The following RPS6KC1 variants were observed in gnomAD, a reference collection of about 807,000 sequenced individuals.
The protein encoded by RPS6KC1 is inactive ribosomal protein S6 kinase delta-1.
RPS6KC1 carries 54 observed loss-of-function variants against 103.8 expected under a neutral mutation model. That is an observed-to-expected ratio of 0.52 (90% confidence interval 0.42 to 0.65). The LOEUF is 0.65. RPS6KC1 is among the 30% of genes least tolerant of loss of function. The pLI, the probability that RPS6KC1 is intolerant of heterozygous loss-of-function variation, is 0.00. For missense variants in RPS6KC1, 1,151 were observed against 1,253.8 expected (o/e 0.92, Z 1.24); for synonymous variants, 439 against 438.7 (o/e 1.00, Z -0.01).
rs1468535421 is a variant in RPS6KC1 at position 213,241,074 on chromosome 1, C to T, written c.1598C>T (p.Pro533Leu). The change falls in exon 11 of 15, where the codon CCC (proline) becomes CTC (leucine). Residue 533 changes from proline to leucine, a missense_variant. By Grantham distance (98) the Pro-to-Leu change is moderately conservative. Around this residue, in one of 3 missense-constraint regions of RPS6KC1, gnomAD observed 959 missense variants for 1,006.3 expected, o/e 0.95. Transcript: ENST00000366960. ...KIEPGSLNEE[P>L]FMKTEGNGVD... ...GAACCAGGGTCTTTGAATGAGGAGC[C>T]CTTCATGAAGACTGAAGGGAATGGT... 1.9e-6 allele frequency: 3 copies of T among 1,613,416 alleles called. No homozygotes were observed. Among genetic ancestry groups the T allele is most frequent in the Admixed American group, 1.7e-5 (1 of 59,916 alleles).
chr1:213,723,259 C>G, the RPS6KC1 span, among the ~76,000 whole-genome samples: 1 of 152,180 alleles, frequency 6.6e-6, no homozygotes, highest in African/African-American at 2.4e-5. Flanking sequence ...AAATTCAGAC[C>G]TTTGTTCTGA....
At chr1:213,821,784 A>G in the RPS6KC1 span, 1 of 152,168 alleles carries the variant, frequency 6.6e-6, no homozygotes, top group Non-Finnish European at 1.5e-5. Flanking sequence ...CATTTTCTTT[A>G]TGATTCATCT....
At chr1:213,857,533 A>G in the RPS6KC1 span, among the ~76,000 whole-genome samples, 86 of 152,258 alleles carry the variant, frequency 5.6e-4, 1 homozygote, top group Non-Finnish European at 9.7e-4. Flanking sequence ...CCCTTTTTGC[A>G]TGGATTTAGG....
chr1:213,351,063 A>G, the RPS6KC1 span, among the ~76,000 whole-genome samples: 2 of 152,184 alleles, frequency 1.3e-5, no homozygotes, highest in African/African-American at 4.8e-5. Flanking sequence ...TTTTCAGATT[A>G]TATTTAATTA....
chr1:213,359,167 C>T, the RPS6KC1 span, among the ~76,000 whole-genome samples: 1 of 152,140 alleles, frequency 6.6e-6, no homozygotes, highest in African/African-American at 2.4e-5. Context: ...GTTAAAGTCT[C>T]CCATTATTAA....
At chr1:213,510,929 A>T in the RPS6KC1 span, among the ~76,000 whole-genome samples, 1 of 152,260 alleles carries the variant, frequency 6.6e-6, no homozygotes, top group South Asian at 2.1e-4. Flanking sequence ...GCCAATATTG[A>T]CTGAGTACTT....
chr1:213,626,559 G>A, the RPS6KC1 span, among the ~76,000 whole-genome samples: 1 of 152,102 alleles, frequency 6.6e-6, no homozygotes, highest in Non-Finnish European at 1.5e-5. Flanking sequence ...TATGGTTTTA[G>A]GTCTAACATT....
chr1:213,774,999 A>G, the RPS6KC1 span, among the ~76,000 whole-genome samples: 2 of 152,148 alleles, frequency 1.3e-5, no homozygotes, highest in African/African-American at 4.8e-5. Flanking sequence ...AGGAAAGGGG[A>G]TGGAATACTG....
intron 8 of RPS6KC1, among the ~76,000 whole-genome samples, chr1:213,178,208 A>C (rs2092015970): frequency 1.3e-5 from 2 of 149,464 alleles, no homozygotes; most frequent in African/African-American, 2.5e-5. Context: ...TAAATAAATA[A>C]ATAAATAAAT....
chr1:213,073,797 T>G (rs1049752851), intron 2 of RPS6KC1, among the ~76,000 whole-genome samples: 2 of 152,108 alleles, frequency 1.3e-5, no homozygotes, highest in Non-Finnish European at 2.9e-5. Context: ...TGCCTCAGCC[T>G]CCTGAATAGC....
At chr1:213,266,902 TCAAACAAACAAACAAACAAACAAA>T (rs66700615) in intron 14 of RPS6KC1, among the ~76,000 whole-genome samples, 3 of 147,832 alleles carry the variant, frequency 2.0e-5, no homozygotes, top group African/African-American at 7.5e-5. Context: ...AGGCTCCGTC[TCAAACAAACAAACAAACAAACAAA>T]CAAACAAACA....
chr1:213,766,370 G>A, the RPS6KC1 span, among the ~76,000 whole-genome samples: 1 of 152,160 alleles, frequency 6.6e-6, no homozygotes, highest in East Asian at 1.9e-4. Context: ...CAGTAACTCT[G>A]TTGACTTGTC....
At chr1:213,380,338 G>A in the RPS6KC1 span, among the ~76,000 whole-genome samples, 3 of 152,134 alleles carry the variant, frequency 2.0e-5, no homozygotes, top group Admixed American at 6.5e-5. Context: ...AATGGAGGGC[G>A]GGAGGAGGGA....
At chr1:213,089,775 A>G (rs1242240640) in intron 3 of RPS6KC1, among the ~76,000 whole-genome samples, 2 of 152,110 alleles carry the variant, frequency 1.3e-5, no homozygotes, top group Non-Finnish European at 2.9e-5. Flanking sequence ...TTTTGCTGTT[A>G]AAGTGCCTGG....
chr1:213,079,007 A>T (rs910507195), intron 3 of RPS6KC1, among the ~76,000 whole-genome samples: 1 of 152,180 alleles, frequency 6.6e-6, no homozygotes, highest in South Asian at 2.1e-4. Flanking sequence ...ATGTATAGAA[A>T]CCTCAAAAAT....
intron 3 of RPS6KC1, among the ~76,000 whole-genome samples, chr1:213,094,213 C>G (rs953733452): frequency 1.3e-5 from 2 of 151,414 alleles, no homozygotes; most frequent in African/African-American, 4.9e-5. Flanking sequence ...CTCATTTTTT[C>G]CTGAACCATT....
chr1:213,634,977 G>T, the RPS6KC1 span, among the ~76,000 whole-genome samples: 1 of 152,096 alleles, frequency 6.6e-6, no homozygotes, highest in Admixed American at 6.5e-5. Flanking sequence ...ACTACCATCA[G>T]AGAATACTAT....
intron 12 of RPS6KC1, among the ~76,000 whole-genome samples, chr1:213,257,226 G>A (rs1437482231): frequency 1.3e-5 from 2 of 152,150 alleles, no homozygotes; most frequent in Non-Finnish European, 2.9e-5. Context: ...AACATAACAT[G>A]TAGCTTTTGA....
the RPS6KC1 span, among the ~76,000 whole-genome samples, chr1:213,805,044 G>T: frequency 1.3e-5 from 2 of 152,216 alleles, no homozygotes; most frequent in Admixed American, 1.3e-4. Flanking sequence ...CAATAGCTTT[G>T]TGTCTAAGAA....
Sources: allele counts gnomAD v4.1 joint callset (sites outside exome capture counted in the v4.1 genomes callset), GRCh38; gene constraint gnomAD v4.1.1; regional missense constraint gnomAD v4.1.1; transcripts MANE v1.5; gene names NCBI Gene and HGNC (gene_info 2026-07-23, HGNC 2026-07-21).